The following MOB3B variants were observed in gnomAD, a reference collection of about 807,000 sequenced individuals.
MOB3B encodes MOB kinase activator-like 2B.
In MOB3B, 7 loss-of-function variants were observed where a neutral mutation model predicts 18.7. That is an observed-to-expected ratio of 0.37 (90% CI 0.21 to 0.70). MOB3B has a LOEUF of 0.70. Ranked by LOEUF, MOB3B falls within the 30% of genes least tolerant of loss-of-function variation. The pLI, the probability that MOB3B is intolerant of heterozygous loss-of-function variation, is 0.52. For missense variants in MOB3B, 253 were observed against 281.3 expected, an observed-to-expected ratio of 0.90 and a Z score of 0.72; for synonymous variants, 111 against 99.9, an observed-to-expected ratio of 1.11 and a Z score of -0.66.
At chr9:27,366,340 T>A (rs1821341918) in intron 2 of MOB3B, among the ~76,000 whole-genome samples, 2 of 152,166 alleles carry the variant, frequency 1.3e-5, no homozygotes, top group Admixed American at 1.3e-4. Context: ...ATCTCCTTTC[T>A]CCCCAAGAAA....
intron 1 of MOB3B, among the ~76,000 whole-genome samples, chr9:27,472,714 T>C: frequency 6.7e-6 from 1 of 148,418 alleles, no homozygotes; most frequent in Non-Finnish European, 1.5e-5. Flanking sequence ...AAGAGCTCCC[T>C]GAGTTTAAAC....
At chr9:27,331,729 G>A (rs1042708429) in intron 3 of MOB3B, among the ~76,000 whole-genome samples, 6 of 152,110 alleles carry the variant, frequency 3.9e-5, no homozygotes, top group South Asian at 2.1e-4. Flanking sequence ...TTAGATGAAC[G>A]ATCTTCCAAG....
At chr9:27,477,835 G>A (rs1319125560) in intron 1 of MOB3B, among the ~76,000 whole-genome samples, 1 of 152,222 alleles carries the variant, frequency 6.6e-6, no homozygotes, top group African/African-American at 2.4e-5. Flanking sequence ...CTGCTTAGGG[G>A]TTTAGGGCTG....
chr9:27,402,597 T>C (rs1336890696), intron 2 of MOB3B, among the ~76,000 whole-genome samples: 1 of 152,210 alleles, frequency 6.6e-6, no homozygotes, highest in Non-Finnish European at 1.5e-5. Context: ...CAAGTCCATA[T>C]ACAGAAAGTC....
chr9:27,520,418 T>G (rs1484895385), intron 1 of MOB3B, among the ~76,000 whole-genome samples: 4 of 152,266 alleles, frequency 2.6e-5, no homozygotes, highest in African/African-American at 9.6e-5. Context: ...AGCCTACTGA[T>G]GACAAACTCA....
intron 1 of MOB3B, among the ~76,000 whole-genome samples, chr9:27,528,983 A>G (rs1820485593): frequency 6.6e-6 from 1 of 152,242 alleles, no homozygotes; most frequent in Admixed American, 6.5e-5. Context: ...GTTAAGCGCG[A>G]TTTGTACGGC....
At chr9:27,446,345 A>C (rs185270100) in intron 2 of MOB3B, among the ~76,000 whole-genome samples, 13 of 152,274 alleles carry the variant, frequency 8.5e-5, no homozygotes, top group Non-Finnish European at 1.3e-4. Flanking sequence ...TGGGTGCTGC[A>C]TCCTGCAGCA....
intron 2 of MOB3B, among the ~76,000 whole-genome samples, chr9:27,441,830 A>G (rs975041342): frequency 1.3e-5 from 2 of 151,780 alleles, no homozygotes; most frequent in Middle Eastern, 6.8e-3. Context: ...CTCCCTCCCC[A>G]CCCCAGCAGT....
At chr9:27,481,452 G>A (rs1819647958) in intron 1 of MOB3B, among the ~76,000 whole-genome samples, 2 of 151,680 alleles carry the variant, frequency 1.3e-5, no homozygotes, top group Admixed American at 1.3e-4. Context: ...GAGTGTGGTG[G>A]CGCCTGGGGT....
chr9:27,347,075 C>G (rs554040509), intron 3 of MOB3B, among the ~76,000 whole-genome samples: 1 of 152,324 alleles, frequency 6.6e-6, no homozygotes, highest in South Asian at 2.1e-4. Flanking sequence ...CTATGTTATT[C>G]TGGATCCACA....
intron 1 of MOB3B, among the ~76,000 whole-genome samples, chr9:27,519,029 G>T (rs183885015): frequency 9.5e-4 from 145 of 152,242 alleles, no homozygotes; most frequent in African/African-American, 3.4e-3. Flanking sequence ...CCAGCCTCGG[G>T]GAATCCCAAG....
At chr9:27,470,995 AC>A (rs1411388386) in intron 1 of MOB3B, among the ~76,000 whole-genome samples, 14 of 151,764 alleles carry the variant, frequency 9.2e-5, no homozygotes, top group African/African-American at 3.4e-4. Context: ...AAAAAATACA[AC>A]CCCTTCTCAC....
chr9:27,342,439 C>G (rs948949207), intron 3 of MOB3B, among the ~76,000 whole-genome samples: 1 of 151,940 alleles, frequency 6.6e-6, no homozygotes, highest in East Asian at 1.9e-4. Flanking sequence ...TCTCCCTCCC[C>G]CTCCCCCTCC....
At chr9:27,524,125 C>A (rs1820386724) in intron 1 of MOB3B, among the ~76,000 whole-genome samples, 1 of 130,250 alleles carries the variant, frequency 7.7e-6, no homozygotes, top group Non-Finnish European at 1.6e-5. Flanking sequence ...GTTATCACTT[C>A]CAAAGTCGGC....
chr9:27,331,642 G>C (rs1043305423), intron 3 of MOB3B, among the ~76,000 whole-genome samples: 1 of 152,182 alleles, frequency 6.6e-6, no homozygotes, highest in Non-Finnish European at 1.5e-5. Context: ...CATCTCCAAG[G>C]ATGGTCTGAG....
intron 1 of MOB3B, among the ~76,000 whole-genome samples, chr9:27,514,271 T>G (rs1587271064): frequency 7.1e-6 from 1 of 141,822 alleles, no homozygotes; most frequent in African/African-American, 2.7e-5. Context: ...TTTTTAATTT[T>G]AAGACATCCA....
chr9:27,420,118 C>T (rs995385730), intron 2 of MOB3B, among the ~76,000 whole-genome samples: 2 of 152,106 alleles, frequency 1.3e-5, no homozygotes, highest in Non-Finnish European at 2.9e-5. Context: ...CCACCTTACT[C>T]CTGCAAGAAT....
chr9:27,513,718 G>C (rs2814708), intron 1 of MOB3B, among the ~76,000 whole-genome samples: 44,283 of 152,014 alleles, frequency 0.29, 6,598 homozygotes, highest in Middle Eastern at 0.36. Context: ...TCACCTCCCC[G>C]AGTTACCTTC....
intron 2 of MOB3B, among the ~76,000 whole-genome samples, chr9:27,443,605 A>T (rs1217132963): frequency 3.3e-5 from 5 of 152,164 alleles, no homozygotes; most frequent in African/African-American, 1.2e-4. Flanking sequence ...TGAAGAATTC[A>T]AGTTAGTCCA....
Sources: allele counts gnomAD v4.1 joint callset (sites outside exome capture counted in the v4.1 genomes callset), GRCh38; gene constraint gnomAD v4.1.1; transcripts MANE v1.5; gene names NCBI Gene and HGNC (gene_info 2026-07-23, HGNC 2026-07-21).